The following PTBP3 variants were observed in gnomAD, a reference collection of about 807,000 sequenced individuals.
The protein encoded by PTBP3 is polypyrimidine tract-binding protein 3.
In PTBP3, 20 loss-of-function variants were observed where a neutral mutation model predicts 58.7. The observed-to-expected ratio is 0.34, with a 90% CI of 0.24 to 0.50. PTBP3 has a LOEUF of 0.50. PTBP3 is among the 20% of genes least tolerant of loss of function. The pLI is 0.98. For missense variants in PTBP3, 509 were observed against 637.2 expected (o/e 0.80, Z 2.17); for synonymous variants, 185 against 219.8 (o/e 0.84, Z 1.40).
At chr9:112,334,650 G>C (rs966743389), upstream of PTBP3, among the ~76,000 whole-genome samples, 1 of 152,172 alleles carries the variant, frequency 6.6e-6, no homozygotes, top group Non-Finnish European at 1.5e-5. Flanking sequence ...CATTTGAAAA[G>C]CAACTAACAA....
the PTBP3 span, among the ~76,000 whole-genome samples, chr9:112,378,809 G>A: frequency 2.6e-5 from 4 of 152,186 alleles, no homozygotes; most frequent in Non-Finnish European, 4.4e-5. Flanking sequence ...TCTAAAGACC[G>A]TATCATGAAT....
chr9:112,264,517 T>C (rs1226919159), intron 4 of PTBP3, among the ~76,000 whole-genome samples: 6 of 152,192 alleles, frequency 3.9e-5, no homozygotes. Context: ...GTAAAGTGCA[T>C]ATTTTGGGAT....
At chr9:112,283,359 TG>T (rs1321219599) in intron 2 of PTBP3, among the ~76,000 whole-genome samples, 1 of 152,174 alleles carries the variant, frequency 6.6e-6, no homozygotes, top group African/African-American at 2.4e-5. Flanking sequence ...GATAGTGGTA[TG>T]GACAATGAAG....
intron 1 of PTBP3, among the ~76,000 whole-genome samples, chr9:112,326,152 A>G (rs1235175530): frequency 1.3e-5 from 2 of 152,244 alleles, no homozygotes; most frequent in Non-Finnish European, 2.9e-5. Context: ...TACAGGAAAC[A>G]CTAGTGGATA....
intron 1 of PTBP3, among the ~76,000 whole-genome samples, chr9:112,324,301 A>C (rs754897709): frequency 3.9e-5 from 6 of 152,206 alleles, no homozygotes; most frequent in Non-Finnish European, 5.9e-5. Context: ...TAGTAAATGT[A>C]TATGCTACAA....
intron 2 of PTBP3, among the ~76,000 whole-genome samples, chr9:112,290,739 A>ACACACACAG (rs1398984829): frequency 3.2e-5 from 3 of 93,670 alleles, no homozygotes; most frequent in Non-Finnish European, 6.6e-5. Context: ...CACACACACA[A>ACACACACAG]TCAAGTGTTG....
chr9:112,320,279 TAAAA>T (rs35381625), intron 1 of PTBP3, among the ~76,000 whole-genome samples: 22 of 43,722 alleles, frequency 5.0e-4, no homozygotes, highest in African/African-American at 2.9e-3. Context: ...CCCTTTCTCT[TAAAA>T]AAAAAAAAAT....
chr9:112,272,220 A>C (rs1827419679), intron 3 of PTBP3, among the ~76,000 whole-genome samples: 1 of 151,942 alleles, frequency 6.6e-6, no homozygotes, highest in South Asian at 2.1e-4. Flanking sequence ...GTGCCGCCAC[A>C]CTTGGCTAAT....
the PTBP3 span, among the ~76,000 whole-genome samples, chr9:112,339,198 G>A: frequency 1.3e-5 from 2 of 151,172 alleles, no homozygotes; most frequent in South Asian, 4.2e-4. Context: ...GGCTGAGGTG[G>A]GAGGATCACC....
chr9:112,368,884 C>T, the PTBP3 span, among the ~76,000 whole-genome samples: 1 of 152,216 alleles, frequency 6.6e-6, no homozygotes, highest in Non-Finnish European at 1.5e-5. Context: ...GAAATGGTTT[C>T]ATGGGCCAGG....
chr9:112,232,276 T>C (rs373421474), intron 8 of PTBP3, 38 bp from the exon 9 acceptor site: 345 of 1,511,034 alleles, frequency 2.3e-4, no homozygotes, highest in Non-Finnish European at 3.0e-4. Flanking sequence ...ATTCTAATTA[T>C]TTGAAGAACT....
chr9:112,324,250 T>G (rs1830065037), intron 1 of PTBP3, among the ~76,000 whole-genome samples: 1 of 152,142 alleles, frequency 6.6e-6, no homozygotes, highest in Non-Finnish European at 1.5e-5. Flanking sequence ...TGCGAAAAGT[T>G]TTTTAAAAGT....
chr9:112,322,127 T>A, intron 1 of PTBP3, among the ~76,000 whole-genome samples: 1 of 72,622 alleles, frequency 1.4e-5, no homozygotes, highest in African/African-American at 6.1e-5. Context: ...AGAGCGAGAC[T>A]CCATCTCAAA....
chr9:112,272,066 CTTTTTAT>C (rs1283371283), intron 3 of PTBP3, among the ~76,000 whole-genome samples: 2 of 150,594 alleles, frequency 1.3e-5, no homozygotes, highest in Non-Finnish European at 2.9e-5. Flanking sequence ...CCATCTCACT[CTTTTTAT>C]TTTTTATTTT....
rs1456652337 is a variant in PTBP3, at chr9:112,223,854, G to A, written c.1572C>T (p.Ile524=). 6.2e-7 allele frequency: 1 copy of A among 1,613,392 alleles called. No individual in the cohort carries two copies. Among genetic ancestry groups the A allele is most frequent in the Admixed American group, 1.7e-5 (1 of 59,970 alleles). ...HLRVSFSKST[I] ...AGGAGAAAAATTCACAGAAAAGTCA[G>A]ATTGTAGATTTTGAGAAGGAAACTC... is the stretch of plus-strand genomic sequence containing the variant. The change falls in exon 14 of 14, where the codon ATC becomes ATT. Residue 524 remains isoleucine, a synonymous_variant. Coordinates refer to ENST00000374257, the MANE Select transcript of PTBP3 (RefSeq NM_001163788.4).
At chr9:112,335,854 A>G (rs545535682), upstream of PTBP3, among the ~76,000 whole-genome samples, 121 of 147,072 alleles carry the variant, frequency 8.2e-4, no homozygotes, top group African/African-American at 2.8e-3. Context: ...CCCGGTAAGC[A>G]GAGGTTGCAG....
In PTBP3 at chr9:112,224,322, CAT is replaced by C. The variant is rs1834903955; in HGVS notation, c.1365-114_1365-113del. 3 of 624,314 alleles carry C rather than the reference CAT, an allele frequency of 4.8e-6. No individual in the cohort carries two copies. In the East Asian group the frequency reaches 9.4e-5, roughly 19 times the overall value. 38.7% of individuals were successfully genotyped at this position (624,314 alleles called of 1,614,324 possible). A position where few individuals can be genotyped will look rare whatever the true frequency, so the allele number is the denominator to read the frequency against. On this transcript the variant is annotated intron_variant, in intron 12 of 13. Transcript: ENST00000374257. Reference sequence around the variant, plus strand: ...TACATTTCAAACAGAATTATTAAGCCATATGACAAAGACTTGATTTGGAAGTT... The same window carrying C: ...TACATTTCAAACAGAATTATTAAGCCATGACAAAGACTTGATTTGGAAGTT...
chr9:112,239,346 C>T (rs1226437470), intron 7 of PTBP3, among the ~76,000 whole-genome samples: 1 of 152,072 alleles, frequency 6.6e-6, no homozygotes, highest in Non-Finnish European at 1.5e-5. Flanking sequence ...CAAGTCTGCC[C>T]TGGTGAAGTT....
chr9:112,249,515 G>A (rs1393323117), intron 7 of PTBP3, among the ~76,000 whole-genome samples: 1 of 152,054 alleles, frequency 6.6e-6, no homozygotes, highest in Non-Finnish European at 1.5e-5. Context: ...TCAAATACTA[G>A]TGATAGGCAA....
Sources: allele counts gnomAD v4.1 joint callset (sites outside exome capture counted in the v4.1 genomes callset), GRCh38; gene constraint gnomAD v4.1.1; transcripts MANE v1.5; gene names NCBI Gene and HGNC (gene_info 2026-07-23, HGNC 2026-07-21).